Variants in FAM53B observed in about 807,000 individuals in gnomAD.
The protein encoded by FAM53B is family with sequence similarity 53 member B.
Under a neutral mutation model 32.7 loss-of-function variants are expected in FAM53B, and 12 were observed. The observed-to-expected ratio is 0.37, with a 90% CI of 0.24 to 0.59. The LOEUF is 0.59. Among genes scored for constraint, FAM53B ranks in the 20% least tolerant of loss-of-function variants. The pLI is 0.72. For synonymous variants in FAM53B, 234 were observed against 228.7 expected (o/e 1.02, Z -0.21); for missense variants, 477 against 577.7 (o/e 0.83, Z 1.79).
intron 2 of FAM53B, among the ~76,000 whole-genome samples, chr10:124,700,151 C>T (rs1361355735): frequency 1.3e-5 from 2 of 152,230 alleles, no homozygotes; most frequent in African/African-American, 2.4e-5. Context: ...CCAGTGTACC[C>T]TGACCGCTGG....
intron 4 of FAM53B, among the ~76,000 whole-genome samples, chr10:124,625,476 C>G (rs1949340958): frequency 6.6e-6 from 1 of 152,120 alleles, no homozygotes; most frequent in African/African-American, 2.4e-5. Flanking sequence ...ACAGCACAAT[C>G]CCCTCACCAC....
intron 1 of FAM53B, among the ~76,000 whole-genome samples, chr10:124,725,941 G>A (rs10901810): frequency 0.09 from 13,748 of 152,142 alleles, 895 homozygotes; most frequent in Non-Finnish European, 0.13. Context: ...CTTGCTGGGG[G>A]GAACACTGGG....
At position 124,692,770 on chromosome 10, in the gene FAM53B, G is replaced by C. The variant is rs571172643; in HGVS notation, c.133+3388C>G. Among the ~76,000 whole-genome samples the C allele has an allele frequency of 9.6e-5, 14 of 145,542 alleles. No individual in the cohort carries two copies. In the South Asian group the frequency reaches 3.1e-3, roughly 33 times the overall value. On this transcript the variant is annotated intron_variant, in intron 3 of 4. Coordinates refer to ENST00000337318, the MANE Select transcript of FAM53B (RefSeq NM_014661.4). The stretch of plus-strand genomic sequence containing the variant: ...TGTTGTGAACACTCAATTTATATTA[G>C]TTATGTGTTTTATCTAAGTGGGTGC...
At chr10:124,706,579 C>T (rs181409923) in intron 2 of FAM53B, 57 bp downstream of exon 2, 3 of 1,609,582 alleles carry the variant, frequency 1.9e-6, no homozygotes, top group Admixed American at 3.3e-5. Flanking sequence ...ACAGCCCTGT[C>T]TGTACATCAG....
At chr10:124,660,974 G>C (rs148830744) in intron 4 of FAM53B, among the ~76,000 whole-genome samples, 1 of 150,956 alleles carries the variant, frequency 6.6e-6, no homozygotes, top group Non-Finnish European at 1.5e-5. Context: ...TGAGTGACAG[G>C]TGCACTAAAA....
intron 3 of FAM53B, among the ~76,000 whole-genome samples, chr10:124,688,787 C>T (rs759423492): frequency 2.6e-5 from 4 of 152,142 alleles, no homozygotes; most frequent in Admixed American, 6.5e-5. Flanking sequence ...GGCATTTGAC[C>T]TCAAATGTTC....
chr10:124,625,764 C>A (rs1949344053), intron 4 of FAM53B, among the ~76,000 whole-genome samples: 1 of 152,188 alleles, frequency 6.6e-6, no homozygotes, highest in Non-Finnish European at 1.5e-5. Flanking sequence ...GTAGGGGGCA[C>A]AAAACAGGGG....
chr10:124,726,615 G>A (rs936738114), intron 1 of FAM53B, among the ~76,000 whole-genome samples: 1 of 152,226 alleles, frequency 6.6e-6, no homozygotes, highest in African/African-American at 2.4e-5. Flanking sequence ...GGTTGACTAT[G>A]CGGTGAAATA....
rs1274035115 is a variant in FAM53B, at chr10:124,667,374, C to T, written c.906+14233G>A. On this transcript the variant is annotated intron_variant, in intron 4 of 4. Coordinates refer to ENST00000337318, the MANE Select transcript of FAM53B (RefSeq NM_014661.4). Reference sequence around the variant, plus strand: ...CTGGACTGCTTCCTCTAAGACTCAGCCACCGCCTGTAAAATGGATAACGAT... The same window carrying T: ...CTGGACTGCTTCCTCTAAGACTCAGTCACCGCCTGTAAAATGGATAACGAT... The T allele has an allele frequency of 1.6e-5, 12 of 761,758 alleles. No homozygotes were observed. In the Admixed American group the frequency reaches 2.1e-4, roughly 13 times the overall value. 47.2% of individuals were successfully genotyped at this position (761,758 alleles called of 1,614,324 possible).
chr10:124,623,881 G>A (rs1010820091), intron 4 of FAM53B: 1 of 432,272 alleles, frequency 2.3e-6, no homozygotes, highest in Non-Finnish European at 4.1e-6. Context: ...CAGTTCTGGG[G>A]GGCTGCGGTG....
chr10:124,720,237 T>C (rs970763219), intron 1 of FAM53B, among the ~76,000 whole-genome samples: 2 of 148,456 alleles, frequency 1.3e-5, no homozygotes, highest in African/African-American at 5.0e-5. Context: ...GGAGGTGGCA[T>C]AGATATGTTC....
chr10:124,633,926 T>TA (rs1374260392), intron 4 of FAM53B, among the ~76,000 whole-genome samples: 1 of 152,180 alleles, frequency 6.6e-6, no homozygotes, highest in Non-Finnish European at 1.5e-5. Context: ...ATAAATTTGA[T>TA]AAAAACATTT....
chr10:124,700,018 T>G (rs1272289298), intron 2 of FAM53B, among the ~76,000 whole-genome samples: 2 of 152,218 alleles, frequency 1.3e-5, no homozygotes, highest in African/African-American at 4.8e-5. Flanking sequence ...CCTGACTGAT[T>G]TCGTGCTTGA....
chr10:124,726,914 C>T (rs1241521598), intron 1 of FAM53B, among the ~76,000 whole-genome samples: 1 of 152,240 alleles, frequency 6.6e-6, no homozygotes, highest in African/African-American at 2.4e-5. Context: ...ACTTGGTACA[C>T]AGCAGCTAGG....
intron 4 of FAM53B, among the ~76,000 whole-genome samples, chr10:124,626,511 C>A (rs533271800): frequency 2.0e-5 from 3 of 151,708 alleles, no homozygotes; most frequent in South Asian, 4.2e-4. Context: ...AGCGCAGGTG[C>A]CTCTCCAGCC....
chr10:124,647,298 G>C (rs1949523177), intron 4 of FAM53B, among the ~76,000 whole-genome samples: 1 of 152,146 alleles, frequency 6.6e-6, no homozygotes, highest in Non-Finnish European at 1.5e-5. Flanking sequence ...AGAAAGCCAC[G>C]GCAAATCTCC....
intron 4 of FAM53B, among the ~76,000 whole-genome samples, chr10:124,655,491 C>T (rs577259505): frequency 6.6e-5 from 10 of 152,158 alleles, no homozygotes; most frequent in African/African-American, 1.9e-4. Flanking sequence ...GCAGGAAACA[C>T]GGGATGCCGA....
At chr10:124,741,406 G>A (rs1448343186) in intron 1 of FAM53B, among the ~76,000 whole-genome samples, 4 of 152,212 alleles carry the variant, frequency 2.6e-5, no homozygotes, top group African/African-American at 7.2e-5. Context: ...TCAGTCTTCA[G>A]GGCCCAAGGC....
intron 2 of FAM53B, among the ~76,000 whole-genome samples, chr10:124,701,878 T>C (rs1215200941): frequency 6.6e-6 from 1 of 152,218 alleles, no homozygotes; most frequent in East Asian, 1.9e-4. Context: ...CATCTTTCTT[T>C]GAGGGAAAGA....
Sources: allele counts gnomAD v4.1 joint callset (sites outside exome capture counted in the v4.1 genomes callset), GRCh38; gene constraint gnomAD v4.1.1; transcripts MANE v1.5; gene names NCBI Gene and HGNC (gene_info 2026-07-23, HGNC 2026-07-21).